The following PARVA variants were observed in gnomAD, a reference collection of about 807,000 sequenced individuals.
PARVA encodes the protein parvin alpha.
In PARVA, 25 loss-of-function variants were observed where a neutral mutation model predicts 52.6. That is an observed-to-expected ratio of 0.48 (90% CI 0.35 to 0.66). The LOEUF is 0.66. Among genes scored for constraint, PARVA ranks in the 30% least tolerant of loss-of-function variants. PARVA has a pLI of 0.01. For synonymous variants in PARVA, 185 were observed against 179.1 expected (o/e 1.03, Z -0.26); for missense variants, 373 against 450.9 (o/e 0.83, Z 1.56).
At chr11:12,394,909 T>C (rs577777146) in intron 1 of PARVA, among the ~76,000 whole-genome samples, 3 of 152,112 alleles carry the variant, frequency 2.0e-5, no homozygotes, top group African/African-American at 7.2e-5. Context: ...CTGACCAACA[T>C]GGTGAAACCC....
intron 1 of PARVA, among the ~76,000 whole-genome samples, chr11:12,391,155 G>A (rs867629078): frequency 3.5e-4 from 53 of 152,314 alleles, no homozygotes; most frequent in African/African-American, 1.2e-3. Context: ...TGTGCTGAAC[G>A]TGGCCGGAGT....
Position 12,520,936 on chromosome 11 carries a change from CAAAGAAAGGAA to C in PARVA, c.1042+2423_1042+2433del, listed in dbSNP as rs529935978. Reference sequence around the variant, plus strand: ...TGGGCAACAAAGTGAGACCCTGTCTCAAAGAAAGGAAAAAAGGAAAGAAAAAGAAATATTGT... The same window carrying C: ...TGGGCAACAAAGTGAGACCCTGTCTCAAAAGGAAAGAAAAAGAAATATTGT... On this transcript the variant is annotated intron_variant, in intron 12 of 12. Coordinates refer to ENST00000334956, the MANE Select transcript of PARVA (RefSeq NM_018222.5). Among the ~76,000 whole-genome samples, 606 of 152,080 alleles carry C rather than the reference CAAAGAAAGGAA, an allele frequency of 4.0e-3. 9 individuals are homozygous for C. The highest frequency in any genetic ancestry group is 3.2e-3 in the Non-Finnish European group (215 of 67,984).
chr11:12,469,895 T>C (rs572313014), intron 1 of PARVA, among the ~76,000 whole-genome samples: 59 of 152,358 alleles, frequency 3.9e-4, no homozygotes, highest in African/African-American at 1.4e-3. Context: ...AAAGAGATCC[T>C]GTTCAGACCC....
chr11:12,430,007 T>C (rs1431371308), intron 1 of PARVA, among the ~76,000 whole-genome samples: 2 of 152,226 alleles, frequency 1.3e-5, no homozygotes, highest in African/African-American at 4.8e-5. Flanking sequence ...TTTTAAATTT[T>C]ACAGACTCCC....
At chr11:12,510,333 A>C (rs1283504439) in intron 7 of PARVA, among the ~76,000 whole-genome samples, 2 of 152,190 alleles carry the variant, frequency 1.3e-5, no homozygotes, top group Non-Finnish European at 2.9e-5. Context: ...TGAGAACCAA[A>C]AGTGTATTTG....
intron 1 of PARVA, among the ~76,000 whole-genome samples, chr11:12,402,142 C>G (rs972704110): frequency 6.6e-6 from 1 of 152,028 alleles, no homozygotes; most frequent in Non-Finnish European, 1.5e-5. Flanking sequence ...TTGAAGGGAA[C>G]CAATGAGGGC....
At chr11:12,526,021 G>T (rs1282390992) in intron 12 of PARVA, among the ~76,000 whole-genome samples, 1 of 152,096 alleles carries the variant, frequency 6.6e-6, no homozygotes, top group East Asian at 1.9e-4. Flanking sequence ...AGAATCCCAA[G>T]GCTAAATACA....
chr11:12,377,394 C>A (rs1939406635), upstream of PARVA: 1 of 1,358,778 alleles, frequency 7.4e-7, no homozygotes, highest in East Asian at 3.1e-5. Context: ...TTGGGGCATC[C>A]TCCCTGCTTG....
At chr11:12,415,572 C>T (rs1368596586) in intron 1 of PARVA, among the ~76,000 whole-genome samples, 1 of 152,072 alleles carries the variant, frequency 6.6e-6, no homozygotes, top group African/African-American at 2.4e-5. Flanking sequence ...ACTTTACTCT[C>T]AAGGGGAATC....
rs76763513 is a variant in PARVA at position 12,464,745 on chromosome 11, T to A, written c.137-9000T>A. On this transcript the variant is annotated intron_variant, in intron 1 of 12. Coordinates refer to ENST00000334956, the MANE Select transcript of PARVA (RefSeq NM_018222.5). ...GAATATTTGTCGCCTCTGAAACTCATGTTCAAACTTAATCCCCAATGTGGC... is the reference window on the plus strand; with the variant it reads ...GAATATTTGTCGCCTCTGAAACTCAAGTTCAAACTTAATCCCCAATGTGGC... Among the ~76,000 whole-genome samples, 724 of 152,326 alleles carry A rather than the reference T, an allele frequency of 4.8e-3. 4 individuals carry two copies. Among genetic ancestry groups the A allele is most frequent in the East Asian group, 0.018 (94 of 5,174 alleles).
intron 3 of PARVA, among the ~76,000 whole-genome samples, chr11:12,475,810 G>A (rs971503454): frequency 1.3e-5 from 2 of 150,332 alleles, no homozygotes; most frequent in African/African-American, 4.9e-5. Context: ...ACAGGCAGCT[G>A]GGCTGTGCAT....
chr11:12,496,662 C>T, intron 5 of PARVA, 64 bp downstream of exon 5: 1 of 1,507,010 alleles, frequency 6.6e-7, no homozygotes, highest in Non-Finnish European at 9.0e-7. Flanking sequence ...ATGGGGCTTC[C>T]CCAAGAAGCC....
At chr11:12,398,913 A>G (rs61875450) in intron 1 of PARVA, among the ~76,000 whole-genome samples, 13,526 of 152,192 alleles carry the variant, frequency 0.089, 734 homozygotes, top group African/African-American at 0.14. Context: ...GCACTTACAT[A>G]GACCTTATTG....
intron 12 of PARVA, among the ~76,000 whole-genome samples, chr11:12,521,819 A>T (rs1171032532): frequency 6.6e-6 from 1 of 152,168 alleles, no homozygotes; most frequent in African/African-American, 2.4e-5. Flanking sequence ...CAGAGAATGC[A>T]GGCAACCCCA....
chr11:12,423,014 C>T (rs1291196827), intron 1 of PARVA, among the ~76,000 whole-genome samples: 1 of 151,956 alleles, frequency 6.6e-6, no homozygotes, highest in Non-Finnish European at 1.5e-5. Context: ...CCACCATGCC[C>T]AACTAAGTTT....
At position 12,511,505 on chromosome 11, in the gene PARVA, T is replaced by G. The variant is rs1421099073; in HGVS notation, c.717-9T>G. On this transcript the variant is annotated splice_polypyrimidine_tract_variant and intron_variant, in intron 7 of 12. Coordinates refer to ENST00000334956, the MANE Select transcript of PARVA (RefSeq NM_018222.5). Reference sequence around the variant, plus strand: ...GAGTCACACTATTTTCTTTCTCTTTTTCCTCCAGGGCTCTTTCCGGGAGGC... The same window carrying G: ...GAGTCACACTATTTTCTTTCTCTTTGTCCTCCAGGGCTCTTTCCGGGAGGC... The G allele has an allele frequency of 1.2e-6, 2 of 1,612,864 alleles. No homozygotes were observed. The highest frequency in any genetic ancestry group is 3.3e-5 in the Admixed American group (2 of 59,934).
intron 1 of PARVA, among the ~76,000 whole-genome samples, chr11:12,464,907 G>A (rs554911985): frequency 1.3e-5 from 2 of 152,274 alleles, no homozygotes; most frequent in East Asian, 3.9e-4. Flanking sequence ...ATGGGGTTGG[G>A]TCGGGGTTAG....
chr11:12,521,004 C>T (rs771801912), intron 12 of PARVA, among the ~76,000 whole-genome samples: 8 of 152,118 alleles, frequency 5.3e-5, no homozygotes, highest in South Asian at 2.1e-4. Context: ...TTTAGGGCAT[C>T]GTGCCACATG....
Position 12,390,789 on chromosome 11 carries a change from C to T in PARVA, c.136+13006C>T, listed in dbSNP as rs758097179. ...TCTCAGCCCTGGTGAGGCAGACCTG[C>T]AGATGACAGGTAATTAATAATGACA... On this transcript the variant is annotated intron_variant, in intron 1 of 12. Transcript: ENST00000334956. Among the ~76,000 whole-genome samples, 95 of 152,186 alleles carry T rather than the reference C, an allele frequency of 6.2e-4. 1 individual carries two copies. Among genetic ancestry groups the T allele is most frequent in the Non-Finnish European group, 2.1e-4 (14 of 68,032 alleles).
Sources: allele counts gnomAD v4.1 joint callset (sites outside exome capture counted in the v4.1 genomes callset), GRCh38; gene constraint gnomAD v4.1.1; transcripts MANE v1.5; gene names NCBI Gene and HGNC (gene_info 2026-07-23, HGNC 2026-07-21).